The following DGKD variants were observed in gnomAD, a reference collection of about 807,000 sequenced individuals.
DGKD encodes the protein diacylglycerol kinase delta.
Under a neutral mutation model 154.4 loss-of-function variants are expected in DGKD, and 68 were observed. The observed-to-expected ratio is 0.44, with a 90% CI of 0.36 to 0.54. The LOEUF (loss-of-function observed/expected upper bound fraction) is 0.54, where lower values mean the gene tolerates loss of function less well. Among genes scored for constraint, DGKD ranks in the 20% least tolerant of loss-of-function variants. The pLI is 0.00. For synonymous variants in DGKD, 693 were observed against 638.0 expected, an observed-to-expected ratio of 1.09 and a Z score of -1.30; for missense variants, 1,343 against 1,593.6, an observed-to-expected ratio of 0.84 and a Z score of 2.68.
chr2:233,471,598 C>G lies in DGKD; in HGVS notation c.*2138C>G, dbSNP rs1018346043. ...GTGGCTTCAAGGACATCAGGGCCAC[C>G]CCAAGTCCTCAGTGTCCTACTCCTG... On this transcript the variant is annotated 3_prime_UTR_variant, in exon 30 of 30. Transcript: ENST00000264057. 6.6e-6 allele frequency: 1 copy of G among 152,350 alleles called. No individual in the cohort carries two copies. Among genetic ancestry groups the G allele is most frequent in the African/African-American group, 2.4e-5 (1 of 41,440 alleles). 9.4% of individuals were successfully genotyped at this position (152,350 alleles called of 1,614,324 possible).
At chr2:233,392,428 T>G (rs963358095) in intron 3 of DGKD, 4 of 152,242 alleles carry the variant, frequency 2.6e-5, no homozygotes, top group Non-Finnish European at 5.9e-5. Context: ...TATCTTGCAA[T>G]TTAGAATTTT....
chr2:233,451,653 ACCT>A (rs973657454), intron 17 of DGKD, among the ~76,000 whole-genome samples: 6 of 149,590 alleles, frequency 4.0e-5, no homozygotes, highest in African/African-American at 1.2e-4. Context: ...CTGCAGCTTG[ACCT>A]CCTGGACTCA....
intron 1 of DGKD, among the ~76,000 whole-genome samples, chr2:233,369,533 C>T (rs1007158197): frequency 6.6e-6 from 1 of 152,180 alleles, no homozygotes; most frequent in Non-Finnish European, 1.5e-5. Flanking sequence ...CCATTTTCTG[C>T]AATCATTCAT....
rs761941738 is a variant in DGKD, at chr2:233,354,570, C to G, written c.52C>G (p.Pro18Ala). ...PPPGPPQPPP[P>A]PPPEESSDSE... is the part of the protein sequence containing the mutation. ...GCCGGGTCCCCCGCAACCGCCTCCG[C>G]CGCCGCCGCCCGAGGAGTCGTCCGA... Residue 18 changes from proline to alanine, a missense_variant, in exon 1 of 30, where the codon CCG becomes GCG. Around this residue, in one of 6 missense-constraint regions of DGKD, gnomAD observed 57 missense variants for 27.8 expected, o/e 2.05. Coordinates refer to ENST00000264057, the MANE Select transcript of DGKD (RefSeq NM_152879.3). The surrounding 1 kb of genome is among the most constrained non-coding windows in gnomAD (Gnocchi z 4.8). The G allele has an allele frequency of 1.9e-6, 2 of 1,072,030 alleles. No homozygotes were observed. The highest frequency in any genetic ancestry group is 2.3e-6 in the Non-Finnish European group (2 of 876,016). 66.4% of individuals were successfully genotyped at this position (1,072,030 alleles called of 1,614,324 possible). A position where few individuals can be genotyped will look rare whatever the true frequency, so the allele number is the denominator to read the frequency against.
intron 1 of DGKD, among the ~76,000 whole-genome samples, chr2:233,385,326 C>T (rs909019895): frequency 6.6e-5 from 10 of 152,192 alleles, no homozygotes; most frequent in Non-Finnish European, 1.5e-4. Flanking sequence ...CCAGTGCTCT[C>T]GCCAACTTCC....
At chr2:233,405,066 C>G (rs1047977436) in intron 3 of DGKD, among the ~76,000 whole-genome samples, 20 of 152,036 alleles carry the variant, frequency 1.3e-4, no homozygotes, top group African/African-American at 4.8e-4. Context: ...AATGGATTGG[C>G]CAAATAATGG....
Position 233,414,953 on chromosome 2 carries a change from TTGTG to T in DGKD, c.349-19420_349-19417del, listed in dbSNP as rs972016516. On this transcript the variant is annotated intron_variant, in intron 3 of 29. Transcript: ENST00000264057. Reference sequence around the variant, plus strand: ...GTAAGGGGCTGGAAGGGCCCATTCTTTGTGTGTGTGGGTATTTTTTAGAGACGGG... The same window carrying T: ...GTAAGGGGCTGGAAGGGCCCATTCTTTGTGTGGGTATTTTTTAGAGACGGG... Among the ~76,000 whole-genome samples, 21 of 152,126 alleles carry T rather than the reference TTGTG, an allele frequency of 1.4e-4. 1 individual carries two copies. Among genetic ancestry groups the T allele is most frequent in the African/African-American group, 4.8e-4 (20 of 41,408 alleles).
chr2:233,404,504 G>A (rs182030408), intron 3 of DGKD, among the ~76,000 whole-genome samples: 12 of 152,268 alleles, frequency 7.9e-5, no homozygotes, highest in Admixed American at 7.8e-4. Context: ...CCTGAGAGTT[G>A]AGAAGACAAA....
At chr2:233,419,554 T>G (rs1379999651) in intron 3 of DGKD, 4 of 594,656 alleles carry the variant, frequency 6.7e-6, no homozygotes, top group Non-Finnish European at 8.4e-6. Flanking sequence ...CTTCTTGGCT[T>G]GTATGTCTTA....
intron 1 of DGKD, 60 bp from the exon 2 acceptor site, chr2:233,388,197 C>T (rs527423610): frequency 2.2e-5 from 35 of 1,583,460 alleles, no homozygotes; most frequent in African/African-American, 5.5e-5. Context: ...GCGTTTCAGC[C>T]GGAAGAGTGA....
At chr2:233,387,661 C>G (rs1032645881) in intron 1 of DGKD, among the ~76,000 whole-genome samples, 3 of 152,080 alleles carry the variant, frequency 2.0e-5, no homozygotes, top group African/African-American at 7.2e-5. Flanking sequence ...AACTCATCAG[C>G]TTTTCGGGTT....
At position 233,457,920 on chromosome 2, in the gene DGKD, G is replaced by C. The variant is rs375411272; in HGVS notation, c.2581-364G>C. ...TAAACCTTCCTTTGTACGTAATAGC[G>C]AATAGAAGTATTCAGCGCTTCCTGC... is the stretch of plus-strand genomic sequence containing the variant. On this transcript the variant is annotated intron_variant, in intron 21 of 29. Coordinates refer to ENST00000264057, the MANE Select transcript of DGKD (RefSeq NM_152879.3). The surrounding 1 kb of genome is among the most constrained non-coding windows in gnomAD (Gnocchi z 5.5). 1 of 324,610 alleles carries C rather than the reference G, an allele frequency of 3.1e-6. No individual in the cohort carries two copies. Among genetic ancestry groups the C allele is most frequent in the African/African-American group, 2.1e-5 (1 of 47,304 alleles). 20.1% of individuals were successfully genotyped at this position (324,610 alleles called of 1,614,324 possible).
Position 233,445,743 on chromosome 2 carries a change from A to G in DGKD, c.1315A>G (p.Ser439Gly), listed in dbSNP as rs2063044716. 6.2e-7 allele frequency: 1 copy of G among 1,613,198 alleles called. No individual in the cohort carries two copies. ...PQILEKLERA[S>G]TKMLDRWSVM... ...GATCTTGGAGAAGTTGGAGAGAGCCAGCACCAAGATGCTGGACAGGTGAGT... is the reference window on the plus strand; with the variant it reads ...GATCTTGGAGAAGTTGGAGAGAGCCGGCACCAAGATGCTGGACAGGTGAGT... The change falls in exon 11 of 30, where the codon AGC (serine) becomes GGC (glycine). Residue 439 changes from serine (S) to glycine (G), a missense_variant. Around this residue, in one of 6 missense-constraint regions of DGKD, gnomAD observed 409 missense variants for 446.0 expected, o/e 0.92. Transcript: ENST00000264057. This position sits in a 1 kb window ranked among gnomAD's most constrained non-coding sequence, Gnocchi z 5.5.
chr2:233,448,197 C>T lies in DGKD; in HGVS notation c.1514+16C>T, dbSNP rs780640618. 1 of 1,614,156 alleles carries T rather than the reference C, an allele frequency of 6.2e-7. No individual in the cohort carries two copies. The highest frequency in any genetic ancestry group is 2.2e-5 in the East Asian group (1 of 44,880). ...CCTCGGCCAAGTGAGTGCCTGGTGG[C>T]CCTGGGGAGGGCATGGTGCCCTGGC... On this transcript the variant is annotated intron_variant, in intron 13 of 29. Coordinates refer to ENST00000264057, the MANE Select transcript of DGKD (RefSeq NM_152879.3).
In DGKD at chr2:233,360,670, C is replaced by G. The variant is rs571410423; in HGVS notation, c.156+5996C>G. Among the ~76,000 whole-genome samples the G allele has an allele frequency of 1.9e-4, 29 of 152,298 alleles. 1 individual carries two copies. In the Middle Eastern group the frequency reaches 0.027, roughly 143 times the overall value. ...TTCTGAGTAGCTGGGAGCGTAGGCT[C>G]AAGCCACTGTGCCTGGCTAATTAAA... On this transcript the variant is annotated intron_variant, in intron 1 of 29. Transcript: ENST00000264057.
chr2:233,449,369 A>C lies in DGKD; in HGVS notation c.1881A>C (p.Thr627=). 1 of 1,593,892 alleles carries C rather than the reference A, an allele frequency of 6.3e-7. No individual in the cohort carries two copies. Among genetic ancestry groups the C allele is most frequent in the Non-Finnish European group, 8.6e-7 (1 of 1,163,364 alleles). Residue 627 remains threonine (T), a synonymous_variant, in exon 15 of 30, where the codon ACA becomes ACC. Coordinates refer to ENST00000264057, the MANE Select transcript of DGKD (RefSeq NM_152879.3). The surrounding 1 kb of genome is among the most constrained non-coding windows in gnomAD (Gnocchi z 5.3). The stretch of plus-strand genomic sequence containing the variant: ...CAATTCGTCAGATCATAGAACACAC[A>C]GAAAAAGGTAACTGGCCTTGTGATG... ...KKAIRQIIEH[T]EKAVDEQNAQ... is the part of the protein sequence containing the mutation.
rs201715499 is a variant in DGKD at position 233,460,183 on chromosome 2, C to T, written c.2830-11C>T. The T allele has an allele frequency of 6.9e-4, 1,114 of 1,612,948 alleles. 2 individuals carry two copies. The highest frequency in any genetic ancestry group is 8.7e-4 in the Non-Finnish European group (1,030 of 1,179,528). Reference sequence around the variant, plus strand: ...AGAGCAGCAGGTGTAATTGGGCTTTCGGGTCCATAGGCATTTGAGAGCACC... The same window carrying T: ...AGAGCAGCAGGTGTAATTGGGCTTTTGGGTCCATAGGCATTTGAGAGCACC... On this transcript the variant is annotated splice_polypyrimidine_tract_variant and intron_variant, in intron 23 of 29. Transcript: ENST00000264057.
intron 12 of DGKD, chr2:233,447,480 G>GA (rs2063120526): frequency 2.0e-6 from 2 of 985,074 alleles, no homozygotes; most frequent in Admixed American, 1.2e-4. Flanking sequence ...CCTTGCAAGC[G>GA]AAGACTGGTT....
rs148905058 is a variant in DGKD, at chr2:233,441,510, C to T, written c.1086-377C>T. On this transcript the variant is annotated intron_variant, in intron 9 of 29. Coordinates refer to ENST00000264057, the MANE Select transcript of DGKD (RefSeq NM_152879.3). The surrounding 1 kb of genome is among the most constrained non-coding windows in gnomAD (Gnocchi z 5.6). ...CATGTGGATGGGGCAGGGACAGTGA[C>T]GCAGGGTGGGCTCACATGGTTAGGG... Among the ~76,000 whole-genome samples, 8 of 152,264 alleles carry T rather than the reference C, an allele frequency of 5.3e-5. No individual in the cohort carries two copies. The highest frequency in any genetic ancestry group is 2.1e-4 in the South Asian group (1 of 4,822).
Sources: allele counts gnomAD v4.1 joint callset (sites outside exome capture counted in the v4.1 genomes callset), GRCh38; gene constraint gnomAD v4.1.1; regional missense constraint gnomAD v4.1.1; non-coding constraint Gnocchi (gnomAD v3.1); transcripts MANE v1.5; gene names NCBI Gene and HGNC (gene_info 2026-07-23, HGNC 2026-07-21).